Variants in STMND1 observed in about 807,000 individuals in gnomAD.
STMND1 encodes the protein stathmin domain-containing protein 1.
Under a neutral mutation model 23.0 loss-of-function variants are expected in STMND1, and 17 were observed. That is an observed-to-expected ratio of 0.74 (90% confidence interval 0.51 to 1.11). The LOEUF is 1.11. Ranked by LOEUF, STMND1 falls within the 50% of genes least tolerant of loss-of-function variation. The pLI, the probability that STMND1 is intolerant of heterozygous loss-of-function variation, is 0.00. For synonymous variants in STMND1, 114 were observed against 119.9 expected, an observed-to-expected ratio of 0.95 and a Z score of 0.32; for missense variants, 305 against 329.1, an observed-to-expected ratio of 0.93 and a Z score of 0.57.
chr6:17,126,216 T>A lies in STMND1; in HGVS notation c.412-2896T>A, dbSNP rs1761303639. Among the ~76,000 whole-genome samples the A allele has an allele frequency of 2.0e-5, 3 of 150,734 alleles. No individual in the cohort carries two copies. The South Asian group carries it at 6.3e-4, about 32-fold the overall frequency. ...TACAGCGTGAGCCACTGCGCCCAGC[T>A]CATTGTTAACGTTTTTAAGTTCCAA... On this transcript the variant is annotated intron_variant, in intron 3 of 4. Transcript: ENST00000536551.
rs563883823 is a variant in STMND1 at position 17,131,051 on chromosome 6, T to A, written c.*170T>A. The stretch of plus-strand genomic sequence containing the variant: ...CTGAAGGTTAGTTGAGTAAATTAAG[T>A]AGCTATGCTAGCTTTTAAAAAAAGA... On this transcript the variant is annotated 3_prime_UTR_variant, in exon 5 of 5. Coordinates refer to ENST00000536551, the MANE Select transcript of STMND1 (RefSeq NM_001190766.2). 1.6e-5 allele frequency: 9 copies of A among 561,596 alleles called. No individual in the cohort carries two copies. The African/African-American group carries it at 1.7e-4, about 11-fold the overall frequency. The allele number at this position is 561,596 out of a possible 1,614,324, so 34.8% of individuals were successfully genotyped here.
intron 1 of STMND1, among the ~76,000 whole-genome samples, chr6:17,105,195 A>G (rs1761005956): frequency 6.6e-6 from 1 of 152,334 alleles, no homozygotes; most frequent in Admixed American, 6.5e-5. Context: ...TATCCGAGGG[A>G]GGTCCTGGAA....
At chr6:17,120,861 T>C (rs748211877) in intron 3 of STMND1, 103 bp downstream of exon 3, 86 of 913,346 alleles carry the variant, frequency 9.4e-5, no homozygotes, top group Non-Finnish European at 1.2e-4. Flanking sequence ...ACAATACAGA[T>C]AACAGCATTT....
At chr6:17,110,234 G>A (rs1026757236) in intron 1 of STMND1, among the ~76,000 whole-genome samples, 6 of 152,158 alleles carry the variant, frequency 3.9e-5, no homozygotes, top group African/African-American at 1.4e-4. Context: ...GCAGAGAGTG[G>A]GAGGTTAGGC....
At chr6:17,128,982 G>T (rs1761347363) in intron 3 of STMND1, 130 bp from the exon 4 acceptor site, 1 of 953,378 alleles carries the variant, frequency 1.0e-6, no homozygotes, top group African/African-American at 1.7e-5. Context: ...CAAAGTGCCG[G>T]GATTACAGGC....
At chr6:17,122,000 T>TTACAGGTGCCCACCATCAAG (rs1264716563) in intron 3 of STMND1, among the ~76,000 whole-genome samples, 3 of 151,844 alleles carry the variant, frequency 2.0e-5, no homozygotes, top group Non-Finnish European at 2.9e-5. Flanking sequence ...GCAGCTGGGG[T>TTACAGGTGCCCACCATCAAG]TACAGGTGCC....
chr6:17,105,586 G>T (rs145858221), intron 1 of STMND1, among the ~76,000 whole-genome samples: 14 of 149,960 alleles, frequency 9.3e-5, no homozygotes, highest in Non-Finnish European at 1.8e-4. Flanking sequence ...CGGAGATTGC[G>T]GGGTGAGCTG....
intron 1 of STMND1, among the ~76,000 whole-genome samples, chr6:17,108,346 C>CAA (rs10640428): frequency 0.27 from 40,770 of 152,000 alleles, 5,725 homozygotes; most frequent in East Asian, 0.37. Flanking sequence ...CTCTCAATTC[C>CAA]CGTGGGCATT....
chr6:17,111,354 C>T (rs1276958747), intron 1 of STMND1, among the ~76,000 whole-genome samples: 1 of 152,194 alleles, frequency 6.6e-6, no homozygotes, highest in Non-Finnish European at 1.5e-5. Context: ...TTAGACCCAG[C>T]ATATCCACAT....
At chr6:17,116,611 T>C (rs1304681696) in intron 2 of STMND1, among the ~76,000 whole-genome samples, 1 of 152,118 alleles carries the variant, frequency 6.6e-6, no homozygotes, top group Non-Finnish European at 1.5e-5. Flanking sequence ...AGCTAATTTT[T>C]GTATTTTTAA....
chr6:17,115,086 C>T lies in STMND1; in HGVS notation c.206C>T (p.Thr69Ile). The change falls in exon 2 of 5, where the codon ACC (threonine) becomes ATC (isoleucine). Residue 69 changes from threonine (T) to isoleucine (I), a missense_variant. Coordinates refer to ENST00000536551, the MANE Select transcript of STMND1 (RefSeq NM_001190766.2). ...GTCCAGATGGGAAGCTTACCTGGAA[C>T]CATTTCAGAAAATTCTCCATCTCCT... The part of the protein sequence containing the change: ...EQVQMGSLPG[T>I]ISENSPSPSE... The T allele has an allele frequency of 6.5e-7, 1 of 1,535,900 alleles. No individual in the cohort carries two copies. Among genetic ancestry groups the T allele is most frequent in the Non-Finnish European group, 8.7e-7 (1 of 1,146,806 alleles).
intron 1 of STMND1, among the ~76,000 whole-genome samples, chr6:17,106,604 G>A (rs1761029020): frequency 6.6e-6 from 1 of 152,036 alleles, no homozygotes; most frequent in Non-Finnish European, 1.5e-5. Context: ...AATCTGATCT[G>A]GGAAAGGTAT....
intron 1 of STMND1, chr6:17,110,613 CA>C (rs1283931618): frequency 6.2e-6 from 2 of 321,928 alleles, no homozygotes; most frequent in Non-Finnish European, 1.2e-5. Context: ...ACTAAAAATA[CA>C]AAAATTAGCC....
At position 17,102,248 on chromosome 6, in the gene STMND1, C is replaced by A. The variant is rs1366152748; in HGVS notation, c.-10C>A. On this transcript the variant is annotated 5_prime_UTR_variant, in exon 1 of 5. Coordinates refer to ENST00000536551, the MANE Select transcript of STMND1 (RefSeq NM_001190766.2). ...GCCAAGCCCGCGGAGGAGGAGCGCG[C>A]GCGCGCAGCATGGGCTGTGGACCTT... 12 of 1,524,844 alleles carry A rather than the reference C, an allele frequency of 7.9e-6. No homozygotes were observed. In the East Asian group the frequency reaches 3.0e-4, roughly 39 times the overall value. The allele number at this position is 1,524,844 out of a possible 1,614,324, so 94.5% of individuals were successfully genotyped here. A position where few individuals can be genotyped will look rare whatever the true frequency, so the allele number is the denominator to read the frequency against.
At chr6:17,126,070 ATTTTTTTTTTTTT>A (rs1189845838) in intron 3 of STMND1, among the ~76,000 whole-genome samples, 8 of 20,528 alleles carry the variant, frequency 3.9e-4, no homozygotes, top group South Asian at 3.1e-3. Context: ...ATATATATAT[ATTTTTTTTTTTTT>A]TTTTTTTTTT....
intron 3 of STMND1, 99 bp from the exon 4 acceptor site, chr6:17,129,013 T>C (rs930439361): frequency 7.7e-7 from 1 of 1,297,044 alleles, no homozygotes; most frequent in Non-Finnish European, 1.0e-6. Flanking sequence ...GCACCCAGAC[T>C]AGAATTTACA....
chr6:17,107,958 T>C (rs1761048755), intron 1 of STMND1, among the ~76,000 whole-genome samples: 1 of 152,238 alleles, frequency 6.6e-6, no homozygotes, highest in South Asian at 2.1e-4. Flanking sequence ...AAGTCTACAC[T>C]CATTATGAAA....
At chr6:17,122,721 C>T (rs1399333965) in intron 3 of STMND1, among the ~76,000 whole-genome samples, 2 of 118,746 alleles carry the variant, frequency 1.7e-5, no homozygotes, top group Admixed American at 9.8e-5. Flanking sequence ...AAGAGGATGT[C>T]GGGGGGCGGG....
rs1761384406 is a variant in STMND1, at chr6:17,130,924, A to T, written c.*43A>T. On this transcript the variant is annotated 3_prime_UTR_variant, in exon 5 of 5. Coordinates refer to ENST00000536551, the MANE Select transcript of STMND1 (RefSeq NM_001190766.2). ...TCATAAGAAAGCATTCATTCTCCCC[A>T]TTTGTGACATTTGTAGTATGTCTCA... The T allele has an allele frequency of 2.1e-6, 3 of 1,450,960 alleles. No homozygotes were observed. The highest frequency in any genetic ancestry group is 2.7e-6 in the Non-Finnish European group (3 of 1,094,354). The allele number at this position is 1,450,960 out of a possible 1,614,324, so 89.9% of individuals were successfully genotyped here.
Sources: gnomAD v4.1 joint callset for allele counts (sites outside exome capture counted in the v4.1 genomes callset) on GRCh38, gnomAD v4.1.1 for gene constraint, MANE v1.5 for transcripts, NCBI Gene and HGNC (gene_info 2026-07-23, HGNC 2026-07-21) for gene names.